Variants in RAD17 observed in about 807,000 individuals in gnomAD.
RAD17 encodes the protein cell cycle checkpoint protein RAD17.
RAD17 carries 31 observed loss-of-function variants against 81.5 expected under a neutral mutation model. The ratio of observed to expected loss-of-function variants is 0.38; its 90% confidence interval spans 0.29 to 0.51. The LOEUF (loss-of-function observed/expected upper bound fraction) is 0.51. RAD17 is among the 20% of genes least tolerant of loss of function. The probability of loss-of-function intolerance (pLI) is 0.88; values close to 1 mark genes in which losing one functional copy is unlikely to be tolerated. For missense variants in RAD17, 681 were observed against 781.2 expected, an observed-to-expected ratio of 0.87 and a Z score of 1.53; for synonymous variants, 261 against 266.2, an observed-to-expected ratio of 0.98 and a Z score of 0.19.
In RAD17 at chr5:69,383,170, T is replaced by G. The variant is rs188934519; in HGVS notation, c.508+1113T>G. ...ACTATCATTTTTATCTTTCATAGTT[T>G]TTCATATTGCAACTCCAGGTGGTGA... On this transcript the variant is annotated intron_variant, in intron 7 of 18. Transcript: ENST00000354868. Among the ~76,000 whole-genome samples, 7 of 152,244 alleles carry G rather than the reference T, an allele frequency of 4.6e-5. No individual in the cohort carries two copies. In the East Asian group the frequency reaches 1.4e-3, roughly 29 times the overall value.
At chr5:69,380,038 G>A (rs1165592652) in intron 6 of RAD17, among the ~76,000 whole-genome samples, 3 of 152,006 alleles carry the variant, frequency 2.0e-5, no homozygotes, top group East Asian at 3.9e-4. Context: ...GCACCACCAC[G>A]CCCGGGTAGT....
intron 17 of RAD17, among the ~76,000 whole-genome samples, chr5:69,405,668 A>G (rs1347612918): frequency 2.0e-5 from 3 of 151,014 alleles, no homozygotes; most frequent in Non-Finnish European, 4.4e-5. Flanking sequence ...CTCTGTCTCA[A>G]AAAACAAACA....
rs184637090 is a variant in RAD17, at chr5:69,381,941, G to C, written c.392G>C (p.Gly131Ala). ...ILLITGPPGC[G>A]KTTTLKILSK... is the part of the protein sequence containing the mutation. ...TTAATAACAGGTCCTCCTGGATGTG[G>C]AAAGACAACGACCTTAAAAATACTA... The change falls in exon 7 of 19, where the codon GGA becomes GCA. Residue 131 changes from glycine to alanine, a missense_variant. Transcript: ENST00000354868. 2.7e-5 allele frequency: 43 copies of C among 1,606,590 alleles called. No individual in the cohort carries two copies. The highest frequency in any genetic ancestry group is 3.7e-5 in the Non-Finnish European group (43 of 1,174,588).
chr5:69,377,475 A>ATGTATATATGTG (rs1763448776), intron 6 of RAD17, among the ~76,000 whole-genome samples: 2 of 6,578 alleles, frequency 3.0e-4, no homozygotes, highest in Non-Finnish European at 4.8e-4. Context: ...ATATATATAT[A>ATGTATATATGTG]CACACACACA....
chr5:69,392,453 C>T (rs1212003708), intron 13 of RAD17, among the ~76,000 whole-genome samples: 3 of 152,168 alleles, frequency 2.0e-5, no homozygotes, highest in African/African-American at 7.2e-5. Context: ...ATGTTTATCG[C>T]CTTTTCTGTC....
chr5:69,384,904 A>G lies in RAD17; in HGVS notation c.616A>G (p.Arg206Gly). The G allele has an allele frequency of 1.9e-6, 3 of 1,608,170 alleles. No individual in the cohort carries two copies. Among genetic ancestry groups the G allele is most frequent in the Middle Eastern group, 1.7e-4 (1 of 5,870 alleles). Residue 206 changes from arginine to glycine, a missense_variant, in exon 8 of 19, where the codon AGA (arginine) becomes GGA (glycine). Physicochemically the swap from Arg to Gly is moderately radical, Grantham distance 125. Transcript: ENST00000354868. ...NKLQMLGDDL[R>G]TDKKIILVED... Reference sequence around the variant, plus strand: ...GTTACAAATGCTTGGAGATGATCTGAGAACTGATAAGAAGATAATTCTGGT... The same window carrying G: ...GTTACAAATGCTTGGAGATGATCTGGGAACTGATAAGAAGATAATTCTGGT...
intron 5 of RAD17, 145 bp from the exon 6 acceptor site, chr5:69,374,483 T>G: frequency 1.8e-6 from 1 of 556,402 alleles, no homozygotes; most frequent in Non-Finnish European, 3.1e-6. Context: ...AAAATTCAAG[T>G]ATAATCAAAA....
intron 6 of RAD17, among the ~76,000 whole-genome samples, chr5:69,378,866 A>G (rs1381864588): frequency 6.6e-6 from 1 of 152,208 alleles, no homozygotes; most frequent in East Asian, 1.9e-4. Flanking sequence ...ATAGCTTGTT[A>G]CTGTATTGAA....
At chr5:69,393,282 T>C in intron 14 of RAD17, 42 bp downstream of exon 14, 1 of 1,568,672 alleles carries the variant, frequency 6.4e-7, no homozygotes, top group Non-Finnish European at 8.7e-7. Flanking sequence ...ACAAAGGATA[T>C]ATTATTCGTG....
At position 69,393,185 on chromosome 5, in the gene RAD17, G is replaced by A. The variant is rs766099513; in HGVS notation, c.1220G>A (p.Arg407Gln). ...TCTTTAACAGAATTAGACTCACCTC[G>A]GTTGCCCTCTCATTTATCAGAATAT... is the stretch of plus-strand genomic sequence containing the variant. Reference protein sequence around the residue: ...RASLTELDSPRLPSHLSEYER... With the variant: ...RASLTELDSPQLPSHLSEYER... Residue 407 changes from arginine to glutamine, a missense_variant, in exon 14 of 19, where the codon CGG becomes CAG. Arg to Gln is a conservative substitution (Grantham distance 43, BLOSUM62 1). Coordinates refer to ENST00000354868, the MANE Select transcript of RAD17 (RefSeq NM_133338.3). 11 of 1,611,018 alleles carry A rather than the reference G, an allele frequency of 6.8e-6. No individual in the cohort carries two copies. The highest frequency in any genetic ancestry group is 5.5e-5 in the South Asian group (5 of 90,566).
chr5:69,393,062 T>C (rs1213920092), intron 13 of RAD17, 93 bp from the exon 14 acceptor site: 2 of 733,392 alleles, frequency 2.7e-6, no homozygotes, highest in Non-Finnish European at 4.5e-6. Flanking sequence ...ATGTTGGTAT[T>C]GTATGTCTAA....
chr5:69,414,334 T>G lies in RAD17; in HGVS notation c.*42T>G. 1 of 1,590,770 alleles carries G rather than the reference T, an allele frequency of 6.3e-7. No homozygotes were observed. The highest frequency in any genetic ancestry group is 8.6e-7 in the Non-Finnish European group (1 of 1,162,748). On this transcript the variant is annotated 3_prime_UTR_variant, in exon 19 of 19. Transcript: ENST00000354868. ...CAGATTGCTACTTCACAGCTTCATT[T>G]TTGTTTCATTCAGTGGTACTTCAGC...
chr5:69,377,682 T>TATATGTATACATATATATATGC (rs1160461841), intron 6 of RAD17, among the ~76,000 whole-genome samples: 1 of 45,712 alleles, frequency 2.2e-5, no homozygotes, highest in East Asian at 1.3e-3. Context: ...TATATGCATA[T>TATATGTATACATATATATATGC]ATATATATGT....
chr5:69,379,402 G>A (rs928390582), intron 6 of RAD17, among the ~76,000 whole-genome samples: 1 of 152,072 alleles, frequency 6.6e-6, no homozygotes, highest in East Asian at 1.9e-4. Flanking sequence ...GTGCACTATT[G>A]TAGACTTTTA....
At position 69,379,020 on chromosome 5, in the gene RAD17, T is replaced by G. The variant is rs1763682915; in HGVS notation, c.352-2881T>G. Among the ~76,000 whole-genome samples, 3 of 152,164 alleles carry G rather than the reference T, an allele frequency of 2.0e-5. No individual in the cohort carries two copies. In the South Asian group the frequency reaches 6.2e-4, roughly 32 times the overall value. On this transcript the variant is annotated intron_variant, in intron 6 of 18. Transcript: ENST00000354868. ...ACTTTGGGAGGTCGAGGTGGGTGGA[T>G]TACCTGATGTCAGGAATTCGAGACC...
rs139092363 is a variant in RAD17 at position 69,396,645 on chromosome 5, GA to G, written c.1572+105del. On this transcript the variant is annotated intron_variant, in intron 16 of 18. Transcript: ENST00000354868. ...TTATTTTCTTTAAAACATAACAAAG[GA>G]AAAAATATTTCATTTTTAATAAAAT... 2.9e-3 allele frequency: 3,538 copies of G among 1,205,544 alleles called. 80 individuals carry two copies. In the African/African-American group the frequency reaches 0.048, roughly 16 times the overall value. 74.7% of individuals were successfully genotyped at this position (1,205,544 alleles called of 1,614,324 possible).
rs201495539 is a variant in RAD17, at chr5:69,414,220, C to G, written c.1941C>G (p.Pro647=). The stretch of plus-strand genomic sequence containing the variant: ...CCAGTGAACTGCCTGCTAGCCAGCC[C>G]CAGCCCTTTTCAGCCCAAGGAGACA... The part of the protein sequence containing the change: ...NSASELPASQ[P]QPFSAQGDME... The change falls in exon 19 of 19, where the codon CCC becomes CCG. Residue 647 remains proline (P), a synonymous_variant. Transcript: ENST00000354868. 2.8e-5 allele frequency: 46 copies of G among 1,614,054 alleles called. No individual in the cohort carries two copies. Among genetic ancestry groups the G allele is most frequent in the Non-Finnish European group, 3.7e-5 (44 of 1,180,024 alleles).
At chr5:69,385,562 C>G (rs966745588) in intron 8 of RAD17, among the ~76,000 whole-genome samples, 1 of 152,134 alleles carries the variant, frequency 6.6e-6, no homozygotes, top group African/African-American at 2.4e-5. Context: ...TGAGCCACCA[C>G]ACCCAGCCAA....
At chr5:69,380,176 C>T (rs191052705) in intron 6 of RAD17, among the ~76,000 whole-genome samples, 107 of 152,024 alleles carry the variant, frequency 7.0e-4, no homozygotes, top group Non-Finnish European at 1.0e-3. Context: ...CCACTGTGCC[C>T]GGCCAACTTT....
Sources: allele counts gnomAD v4.1 joint callset (sites outside exome capture counted in the v4.1 genomes callset), GRCh38; gene constraint gnomAD v4.1.1; transcripts MANE v1.5; gene names NCBI Gene and HGNC (gene_info 2026-07-23, HGNC 2026-07-21).